Variants in LDLRAD4 observed in about 807,000 individuals in gnomAD.
The protein encoded by LDLRAD4 is low-density lipoprotein receptor class A domain-containing protein 4.
Under a neutral mutation model 17.0 loss-of-function variants are expected in LDLRAD4, and 5 were observed. The ratio of observed to expected loss-of-function variants is 0.29; its 90% CI spans 0.15 to 0.62. LDLRAD4 has a LOEUF of 0.62. Among genes scored for constraint, LDLRAD4 ranks in the 20% least tolerant of loss-of-function variants. The pLI, the probability that LDLRAD4 is intolerant of heterozygous loss-of-function variation, is 0.84. For synonymous variants in LDLRAD4, 168 were observed against 171.8 expected (o/e 0.98, Z 0.17); for missense variants, 340 against 424.7 (o/e 0.80, Z 1.75).
intron 1 of LDLRAD4, among the ~76,000 whole-genome samples, chr18:13,296,208 A>C (rs1368676726): frequency 6.6e-6 from 1 of 152,254 alleles, no homozygotes; most frequent in Non-Finnish European, 1.5e-5. Context: ...TCTGCTTCGC[A>C]AGAGGCGACC....
intron 3 of LDLRAD4, among the ~76,000 whole-genome samples, chr18:13,531,800 G>T (rs1377780093): frequency 6.6e-6 from 1 of 152,096 alleles, no homozygotes; most frequent in Non-Finnish European, 1.5e-5. Flanking sequence ...CTCTGGGGTT[G>T]TGCTGGCCTC....
intron 1 of LDLRAD4, among the ~76,000 whole-genome samples, chr18:13,256,919 A>G (rs1439931904): frequency 6.6e-6 from 1 of 152,248 alleles, no homozygotes; most frequent in Non-Finnish European, 1.5e-5. Flanking sequence ...ACTTACTTGG[A>G]AAATATTGCC....
chr18:13,501,113 T>G (rs79736027), intron 3 of LDLRAD4: 4,412 of 152,268 alleles, frequency 0.029, 73 homozygotes, highest in East Asian at 0.048. Flanking sequence ...TAACTGTTGT[T>G]AGCGGGAGAT....
intron 1 of LDLRAD4, among the ~76,000 whole-genome samples, chr18:13,317,879 A>G (rs1358239324): frequency 3.3e-5 from 5 of 152,210 alleles, no homozygotes; most frequent in Non-Finnish European, 2.9e-5. Flanking sequence ...TAAAAATAAA[A>G]GCCATTTAAG....
intron 1 of LDLRAD4, among the ~76,000 whole-genome samples, chr18:13,372,909 C>T (rs1291607782): frequency 6.6e-6 from 1 of 152,214 alleles, no homozygotes; most frequent in Non-Finnish European, 1.5e-5. Flanking sequence ...GAACCGTTCA[C>T]CATCTGGGCC....
chr18:13,219,392 T>C (rs2041323860), intron 1 of LDLRAD4, among the ~76,000 whole-genome samples: 1 of 152,232 alleles, frequency 6.6e-6, no homozygotes, highest in Non-Finnish European at 1.5e-5. Flanking sequence ...GATTTGCTTC[T>C]TTTCTTTTCC....
intron 1 of LDLRAD4, among the ~76,000 whole-genome samples, chr18:13,261,926 C>G (rs578086515): frequency 6.6e-6 from 1 of 152,008 alleles, no homozygotes; most frequent in African/African-American, 2.4e-5. Flanking sequence ...CTGTGCAGAG[C>G]AGGGCACATG....
At chr18:13,582,042 G>A (rs2094867403) in intron 3 of LDLRAD4, among the ~76,000 whole-genome samples, 1 of 152,110 alleles carries the variant, frequency 6.6e-6, no homozygotes, top group African/African-American at 2.4e-5. Flanking sequence ...GCATGGCCTT[G>A]GGGGCATTAT....
chr18:13,361,111 C>T (rs760057839), intron 1 of LDLRAD4, among the ~76,000 whole-genome samples: 3 of 152,170 alleles, frequency 2.0e-5, no homozygotes, highest in Admixed American at 6.5e-5. Flanking sequence ...TCAGGAAGAC[C>T]GTCAGCAGGG....
intron 1 of LDLRAD4, among the ~76,000 whole-genome samples, chr18:13,322,121 T>C (rs2081280058): frequency 6.6e-6 from 1 of 151,652 alleles, no homozygotes; most frequent in Non-Finnish European, 1.5e-5. Context: ...AGAGTCTATG[T>C]TGTATTGCGA....
chr18:13,313,459 T>C (rs145300484), intron 1 of LDLRAD4, among the ~76,000 whole-genome samples: 16 of 152,316 alleles, frequency 1.1e-4, no homozygotes, highest in African/African-American at 3.4e-4. Context: ...TGAACACTTC[T>C]TCCTGTTGCA....
chr18:13,527,414 G>A (rs534193776), intron 3 of LDLRAD4, among the ~76,000 whole-genome samples: 4 of 152,212 alleles, frequency 2.6e-5, no homozygotes, highest in Non-Finnish European at 5.9e-5. Context: ...TCTGGAGACC[G>A]GGCCCTTATG....
chr18:13,427,516 G>C (rs1287406912), intron 2 of LDLRAD4: 2 of 152,300 alleles, frequency 1.3e-5, no homozygotes, highest in African/African-American at 4.8e-5. Context: ...CAGTTCTCAG[G>C]GTGCCGGAGG....
intron 3 of LDLRAD4, among the ~76,000 whole-genome samples, chr18:13,586,480 C>T (rs1307184512): frequency 1.3e-5 from 2 of 151,026 alleles, no homozygotes; most frequent in Non-Finnish European, 2.9e-5. Context: ...TTTACCTTTC[C>T]CCTGCCAACC....
chr18:13,636,915 A>T (rs1238781657), intron 4 of LDLRAD4, among the ~76,000 whole-genome samples: 2 of 151,706 alleles, frequency 1.3e-5, no homozygotes, highest in African/African-American at 4.9e-5. Flanking sequence ...CTCCTGCCTC[A>T]GCCTCCCAAG....
At chr18:13,590,374 TTG>T (rs1470325164) in intron 3 of LDLRAD4, among the ~76,000 whole-genome samples, 1 of 151,886 alleles carries the variant, frequency 6.6e-6, no homozygotes, top group African/African-American at 2.4e-5. Flanking sequence ...TGTGCACGTG[TTG>T]TGTGTGTGCG....
chr18:13,537,384 A>C (rs534590176), intron 3 of LDLRAD4, among the ~76,000 whole-genome samples: 10 of 152,280 alleles, frequency 6.6e-5, no homozygotes, highest in Admixed American at 5.9e-4. Flanking sequence ...GCAGGAGGAT[A>C]GTTTCAGGAT....
upstream of LDLRAD4, among the ~76,000 whole-genome samples, chr18:13,276,045 G>C (rs1188011819): frequency 1.3e-5 from 2 of 152,110 alleles, no homozygotes; most frequent in African/African-American, 4.8e-5. Flanking sequence ...GTCTTATTCT[G>C]TCGCCCATGC....
chr18:13,578,651 G>A lies in LDLRAD4; in HGVS notation c.182-42466G>A, dbSNP rs115920703. ...GAGCCTGTGGCATGCCCTGCAGATC[G>A]TGCACACAGCTGAATAAGATGCTGG... On this transcript the variant is annotated intron_variant, in intron 3 of 5. Coordinates refer to ENST00000359446, the Ensembl canonical transcript of LDLRAD4. Among the ~76,000 whole-genome samples the A allele has an allele frequency of 7.2e-3, 1,092 of 152,182 alleles. 12 individuals are homozygous for A. The highest frequency in any genetic ancestry group is 0.025 in the African/African-American group (1,023 of 41,522).
Sources: gnomAD v4.1 joint callset for allele counts (sites outside exome capture counted in the v4.1 genomes callset) on GRCh38, gnomAD v4.1.1 for gene constraint, MANE v1.5 for transcripts, NCBI Gene and HGNC (gene_info 2026-07-23, HGNC 2026-07-21) for gene names.